The following ROBO1 variants were observed in gnomAD, a reference collection of about 807,000 sequenced individuals.
ROBO1 encodes the protein roundabout guidance receptor 1, also known as roundabout homolog 1.
Under a neutral mutation model 195.9 loss-of-function variants are expected in ROBO1, and 149 were observed. The ratio of observed to expected loss-of-function variants is 0.76; its 90% CI spans 0.67 to 0.87. The LOEUF is 0.87. ROBO1 is among the 40% of genes least tolerant of loss of function. The pLI, the probability that ROBO1 is intolerant of heterozygous loss-of-function variation, is 0.00. For synonymous variants in ROBO1, 816 were observed against 733.2 expected (o/e 1.11, Z -1.82); for missense variants, 1,933 against 2,068.3 (o/e 0.93, Z 1.27).
At chr3:79,318,323 T>C (rs1004305005) in intron 2 of ROBO1, among the ~76,000 whole-genome samples, 1 of 152,226 alleles carries the variant, frequency 6.6e-6, no homozygotes, top group African/African-American at 2.4e-5. Context: ...TACCTCCAGA[T>C]CACATGTAAT....
At chr3:78,889,805 A>T (rs1249768009) in intron 4 of ROBO1, among the ~76,000 whole-genome samples, 1 of 152,164 alleles carries the variant, frequency 6.6e-6, no homozygotes, top group Non-Finnish European at 1.5e-5. Flanking sequence ...ATTATAATAC[A>T]GGATCCAAAA....
chr3:79,141,622 C>G (rs1333246688), intron 2 of ROBO1, among the ~76,000 whole-genome samples: 1 of 151,682 alleles, frequency 6.6e-6, no homozygotes, highest in Non-Finnish European at 1.5e-5. Context: ...TGCACCCTCC[C>G]CCACTTCTCC....
chr3:79,565,291 T>G (rs1303516323), intron 2 of ROBO1, among the ~76,000 whole-genome samples: 1 of 151,816 alleles, frequency 6.6e-6, no homozygotes, highest in African/African-American at 2.4e-5. Flanking sequence ...ATTCCTCTTT[T>G]TCTTTGTGTG....
chr3:79,563,936 A>G (rs1943007346), intron 2 of ROBO1, among the ~76,000 whole-genome samples: 1 of 151,984 alleles, frequency 6.6e-6, no homozygotes, highest in Admixed American at 6.6e-5. Flanking sequence ...TTAAGATTTA[A>G]CTTATGTAAA....
At chr3:78,807,739 T>A (rs1685598055) in intron 4 of ROBO1, among the ~76,000 whole-genome samples, 1 of 152,186 alleles carries the variant, frequency 6.6e-6, no homozygotes, top group African/African-American at 2.4e-5. Context: ...AACATTTGTA[T>A]GCATACACAC....
intron 3 of ROBO1, among the ~76,000 whole-genome samples, chr3:79,115,484 C>T (rs1432092985): frequency 6.6e-6 from 1 of 152,134 alleles, no homozygotes; most frequent in East Asian, 1.9e-4. Flanking sequence ...CTTCCTCCAG[C>T]ATCCCACTGC....
intron 2 of ROBO1, among the ~76,000 whole-genome samples, chr3:79,555,258 C>A (rs547237124): frequency 1.3e-5 from 2 of 152,070 alleles, no homozygotes; most frequent in African/African-American, 4.8e-5. Context: ...TTGCTTGCTG[C>A]GCTCCTAATC....
At chr3:79,708,828 C>T (rs1400127290) in intron 1 of ROBO1, among the ~76,000 whole-genome samples, 2 of 152,164 alleles carry the variant, frequency 1.3e-5, no homozygotes, top group Non-Finnish European at 2.9e-5. Context: ...GATCGTGCCA[C>T]TGCACTCCAG....
At chr3:79,752,682 G>A (rs1163409874) in intron 1 of ROBO1, among the ~76,000 whole-genome samples, 1 of 152,074 alleles carries the variant, frequency 6.6e-6, no homozygotes, top group African/African-American at 2.4e-5. Context: ...AACACTGACA[G>A]TATAAAACAA....
At chr3:78,678,465 G>A (rs1239081646) in intron 10 of ROBO1, among the ~76,000 whole-genome samples, 1 of 151,898 alleles carries the variant, frequency 6.6e-6, no homozygotes, top group African/African-American at 2.4e-5. Flanking sequence ...AGAATCAAAT[G>A]GATGCAATAA....
chr3:78,670,150 T>C lies in ROBO1; in HGVS notation c.1494A>G (p.Gln498=), dbSNP rs1180153535. 1.9e-6 allele frequency: 3 copies of C among 1,613,342 alleles called. No individual in the cohort carries two copies. The highest frequency in any genetic ancestry group is 2.2e-5 in the East Asian group (1 of 44,874). The stretch of plus-strand genomic sequence containing the variant: ...TCTCCAACTGTTTGATTCGAGAGTC[T>C]TGGGTTGAAACGAGGACTCCATCCT... The part of the protein sequence containing the change: ...WRKDGVLVST[Q]DSRIKQLENG... The change falls in exon 11 of 31, where the codon CAA becomes CAG. Residue 498 remains glutamine, a synonymous_variant. Transcript: ENST00000464233.
intron 2 of ROBO1, among the ~76,000 whole-genome samples, chr3:79,573,948 G>T (rs978084801): frequency 9.9e-5 from 15 of 152,026 alleles, no homozygotes; most frequent in Non-Finnish European, 1.8e-4. Context: ...TGGTGAACAT[G>T]TATATATTAC....
intron 3 of ROBO1, among the ~76,000 whole-genome samples, chr3:79,060,992 C>T (rs1185778935): frequency 2.0e-5 from 3 of 152,114 alleles, no homozygotes; most frequent in African/African-American, 7.2e-5. Flanking sequence ...GTTGAAAGTT[C>T]TGGCCAGGGC....
intron 28 of ROBO1, among the ~76,000 whole-genome samples, chr3:78,609,447 G>T (rs1172085630): frequency 6.6e-6 from 1 of 152,156 alleles, no homozygotes; most frequent in Non-Finnish European, 1.5e-5. Flanking sequence ...CAGAGTACCT[G>T]TCTTCCCATT....
At chr3:79,266,863 C>A (rs2030008064) in intron 2 of ROBO1, among the ~76,000 whole-genome samples, 1 of 151,560 alleles carries the variant, frequency 6.6e-6, no homozygotes, top group Non-Finnish European at 1.5e-5. Flanking sequence ...CCTGTTCAGA[C>A]AATGATACAA....
At chr3:79,305,431 G>A (rs868267446) in intron 2 of ROBO1, among the ~76,000 whole-genome samples, 30 of 141,766 alleles carry the variant, frequency 2.1e-4, no homozygotes, top group African/African-American at 7.9e-4. Context: ...AGGTTGCAGT[G>A]AGCCAAGATT....
chr3:78,845,870 T>G (rs1411643453), intron 4 of ROBO1, among the ~76,000 whole-genome samples: 9 of 152,182 alleles, frequency 5.9e-5, no homozygotes. Flanking sequence ...AGTAAATCAT[T>G]TTTAAAAACA....
At chr3:78,971,801 T>C (rs996158113) in intron 3 of ROBO1, among the ~76,000 whole-genome samples, 6 of 152,194 alleles carry the variant, frequency 3.9e-5, no homozygotes, top group Non-Finnish European at 7.3e-5. Flanking sequence ...AGTCTTGCAC[T>C]GTCACCCAAG....
intron 10 of ROBO1, among the ~76,000 whole-genome samples, chr3:78,675,524 T>G (rs929911690): frequency 2.6e-5 from 4 of 152,152 alleles, no homozygotes; most frequent in African/African-American, 7.2e-5. Context: ...TATCCCGCAC[T>G]TGGCTCGGAG....
Sources: gnomAD v4.1 joint callset for allele counts (sites outside exome capture counted in the v4.1 genomes callset) on GRCh38, gnomAD v4.1.1 for gene constraint, MANE v1.5 for transcripts, NCBI Gene and HGNC (gene_info 2026-07-23, HGNC 2026-07-21) for gene names.